The following KSR2 variants were observed in gnomAD, a reference collection of about 807,000 sequenced individuals.
KSR2 encodes the protein kinase suppressor of ras 2.
A neutral mutation model predicts 107.8 loss-of-function variants in KSR2; 25 were observed. The observed-to-expected ratio is 0.23, with a 90% confidence interval of 0.17 to 0.32. The LOEUF (loss-of-function observed/expected upper bound fraction) is 0.32, where lower values mean the gene tolerates loss of function less well. Among genes scored for constraint, KSR2 ranks in the 10% least tolerant of loss-of-function variants. The pLI is 1.00. For missense variants in KSR2, 887 were observed against 1,268.9 expected (o/e 0.70, Z 4.57); for synonymous variants, 480 against 507.0 (o/e 0.95, Z 0.71).
At chr12:117,765,826 A>C (rs1422806318) in intron 3 of KSR2, among the ~76,000 whole-genome samples, 4 of 152,204 alleles carry the variant, frequency 2.6e-5, no homozygotes, top group African/African-American at 4.8e-5. Context: ...GTGAGGACTG[A>C]ATTAATAAGA....
intron 3 of KSR2, among the ~76,000 whole-genome samples, chr12:117,811,427 A>G (rs1891186104): frequency 6.6e-6 from 1 of 152,208 alleles, no homozygotes; most frequent in Non-Finnish European, 1.5e-5. Flanking sequence ...AGGACTTGCT[A>G]TTAATGCAGA....
intron 5 of KSR2, among the ~76,000 whole-genome samples, chr12:117,607,264 T>G (rs899797456): frequency 6.6e-6 from 1 of 152,192 alleles, no homozygotes; most frequent in South Asian, 2.1e-4. Flanking sequence ...GAAATTCCCC[T>G]AATAAGAATT....
chr12:117,534,197 G>A (rs372929184), intron 10 of KSR2, among the ~76,000 whole-genome samples: 3 of 152,082 alleles, frequency 2.0e-5, no homozygotes, highest in Admixed American at 2.0e-4. Flanking sequence ...CAGCCAGAGT[G>A]GTCTTCTAGA....
At chr12:117,954,622 G>A (rs1290602695) in intron 1 of KSR2, among the ~76,000 whole-genome samples, 1 of 152,182 alleles carries the variant, frequency 6.6e-6, no homozygotes, top group African/African-American at 2.4e-5. Flanking sequence ...TCCCCAGATG[G>A]CAGTGCAGAG....
chr12:117,673,067 G>A (rs913569493), intron 4 of KSR2, among the ~76,000 whole-genome samples: 6 of 152,220 alleles, frequency 3.9e-5, no homozygotes, highest in African/African-American at 1.4e-4. Context: ...GACAAGACCA[G>A]ATCCTCTGGC....
chr12:117,687,131 A>T (rs977281627), intron 4 of KSR2, among the ~76,000 whole-genome samples: 4 of 152,224 alleles, frequency 2.6e-5, no homozygotes, highest in Admixed American at 6.5e-5. Context: ...CCAAGCTTCC[A>T]GCACGACCTT....
intron 3 of KSR2, among the ~76,000 whole-genome samples, chr12:117,849,495 G>T (rs987991316): frequency 6.6e-6 from 1 of 152,198 alleles, no homozygotes; most frequent in East Asian, 1.9e-4. Flanking sequence ...GGGATCCTTT[G>T]ATCTTGCTAA....
intron 1 of KSR2, among the ~76,000 whole-genome samples, chr12:117,871,669 A>G (rs896149517): frequency 1.3e-5 from 2 of 150,988 alleles, no homozygotes; most frequent in Non-Finnish European, 2.9e-5. Flanking sequence ...TAGTTTCTGA[A>G]TGCAAAATGC....
chr12:117,593,478 T>C (rs1039523711), intron 5 of KSR2, among the ~76,000 whole-genome samples: 2 of 152,206 alleles, frequency 1.3e-5, no homozygotes, highest in Non-Finnish European at 2.9e-5. Flanking sequence ...GAAGACTTGT[T>C]TGTGGATTGC....
chr12:117,766,727 G>T (rs2136894097), intron 3 of KSR2, among the ~76,000 whole-genome samples: 1 of 152,130 alleles, frequency 6.6e-6, no homozygotes, highest in East Asian at 1.9e-4. Flanking sequence ...AGAACTTGAA[G>T]GTGAACAAGA....
chr12:117,914,145 A>G (rs889651585), intron 1 of KSR2, among the ~76,000 whole-genome samples: 5 of 152,148 alleles, frequency 3.3e-5, no homozygotes, highest in African/African-American at 1.2e-4. Context: ...GAAGTCATCT[A>G]TGGCTGGGTG....
In KSR2 at chr12:117,527,064, T is replaced by C. The variant is rs1875220667; in HGVS notation, c.1851+7A>G. ...AAAATGTCGCTTCACTGCTCTCTGA[T>C]TCTCACCTCCGACGTTGGCTCCACT... On this transcript the variant is annotated splice_region_variant and intron_variant, in intron 13 of 19. Transcript: ENST00000339824. The C allele has an allele frequency of 1.2e-6, 2 of 1,613,322 alleles. No homozygotes were observed. The highest frequency in any genetic ancestry group is 2.7e-5 in the African/African-American group (2 of 74,994).
intron 3 of KSR2, among the ~76,000 whole-genome samples, chr12:117,845,828 A>ACAC (rs1184601154): frequency 1.3e-5 from 2 of 151,132 alleles, no homozygotes; most frequent in Non-Finnish European, 3.0e-5. Flanking sequence ...TTACAGGCAC[A>ACAC]CACCACACCT....
At chr12:117,930,299 G>A (rs928042339) in intron 1 of KSR2, among the ~76,000 whole-genome samples, 18 of 152,134 alleles carry the variant, frequency 1.2e-4, no homozygotes, top group African/African-American at 2.4e-4. Context: ...CACCCAAAGC[G>A]CTGGGATTAC....
At chr12:117,884,404 T>C (rs1894113871) in intron 1 of KSR2, among the ~76,000 whole-genome samples, 1 of 152,216 alleles carries the variant, frequency 6.6e-6, no homozygotes, top group African/African-American at 2.4e-5. Flanking sequence ...TTTTCAGCTC[T>C]GCATCAGAGA....
intron 1 of KSR2, among the ~76,000 whole-genome samples, chr12:117,956,405 C>CA (rs1343004334): frequency 2.2e-5 from 3 of 138,058 alleles, no homozygotes; most frequent in Non-Finnish European, 4.7e-5. Flanking sequence ...CGCACCTCTA[C>CA]AAAAAATTAA....
chr12:117,864,751 T>A (rs966028408), intron 1 of KSR2, among the ~76,000 whole-genome samples: 5 of 152,208 alleles, frequency 3.3e-5, no homozygotes, highest in Non-Finnish European at 7.3e-5. Context: ...GCATTCTCCC[T>A]GTATGTGTGA....
intron 3 of KSR2, among the ~76,000 whole-genome samples, chr12:117,836,288 G>A (rs2592291): frequency 0.077 from 11,713 of 152,108 alleles, 619 homozygotes; most frequent in Non-Finnish European, 0.12. Flanking sequence ...CTGGGGCCCC[G>A]AGACCATTCA....
chr12:117,625,236 T>C (rs1401147390), intron 5 of KSR2, among the ~76,000 whole-genome samples: 1 of 151,702 alleles, frequency 6.6e-6, no homozygotes, highest in Non-Finnish European at 1.5e-5. Flanking sequence ...CTTCCAACAC[T>C]ATGTTGAATA....
Sources: allele counts gnomAD v4.1 joint callset (sites outside exome capture counted in the v4.1 genomes callset), GRCh38; gene constraint gnomAD v4.1.1; transcripts MANE v1.5; gene names NCBI Gene and HGNC (gene_info 2026-07-23, HGNC 2026-07-21).